The following HIP1 variants were observed in gnomAD, a reference collection of about 807,000 sequenced individuals.
HIP1 encodes huntingtin interacting protein 1.
A neutral mutation model predicts 147.6 loss-of-function variants in HIP1; 65 were observed. That is an observed-to-expected ratio of 0.44 (90% CI 0.36 to 0.54). HIP1 has a LOEUF of 0.54. HIP1 is among the 20% of genes least tolerant of loss of function. The pLI is 0.00. For missense variants in HIP1, 1,061 were observed against 1,299.6 expected, an observed-to-expected ratio of 0.82 and a Z score of 2.82; for synonymous variants, 479 against 504.0, an observed-to-expected ratio of 0.95 and a Z score of 0.67.
intron 2 of HIP1, among the ~76,000 whole-genome samples, chr7:75,596,749 C>T (rs1324666325): frequency 6.6e-5 from 10 of 152,176 alleles, no homozygotes; most frequent in Admixed American, 3.3e-4. Context: ...GGAGGCCCCA[C>T]TCAAGGTCCC....
intron 5 of HIP1, 85 bp from the exon 6 acceptor site, chr7:75,582,236 T>G: frequency 2.8e-6 from 3 of 1,067,262 alleles, no homozygotes; most frequent in Non-Finnish European, 4.3e-6. Context: ...ACGCCTGTGG[T>G]CCCAGCTACT....
intron 7 of HIP1, among the ~76,000 whole-genome samples, chr7:75,575,478 A>C (rs1421053649): frequency 1.3e-5 from 2 of 152,166 alleles, no homozygotes; most frequent in Non-Finnish European, 2.9e-5. Flanking sequence ...CCAAACCAAA[A>C]CAAAACAATA....
At chr7:75,662,942 T>G (rs1445557949) in intron 1 of HIP1, among the ~76,000 whole-genome samples, 3 of 152,190 alleles carry the variant, frequency 2.0e-5, no homozygotes, top group Non-Finnish European at 2.9e-5. Context: ...AGCTGCTTCC[T>G]GCAGCGTCAC....
chr7:75,703,912 G>C (rs1427405868), intron 1 of HIP1, among the ~76,000 whole-genome samples: 1 of 152,120 alleles, frequency 6.6e-6, no homozygotes, highest in South Asian at 2.1e-4. Flanking sequence ...CTGAGCTCCT[G>C]GCCAGAGCTG....
At chr7:75,599,138 T>C (rs1554502503) in intron 2 of HIP1, 46 bp downstream of exon 2, 1 of 1,456,524 alleles carries the variant, frequency 6.9e-7, no homozygotes, top group East Asian at 2.3e-5. Flanking sequence ...CCCCATGAGC[T>C]GACCTCCCTC....
intron 1 of HIP1, among the ~76,000 whole-genome samples, chr7:75,668,307 A>G (rs1799621279): frequency 6.6e-6 from 1 of 151,972 alleles, no homozygotes; most frequent in Non-Finnish European, 1.5e-5. Context: ...TGCACTCAGG[A>G]CTTCCCAACT....
At chr7:75,668,274 G>C (rs1799620333) in intron 1 of HIP1, among the ~76,000 whole-genome samples, 1 of 152,152 alleles carries the variant, frequency 6.6e-6, no homozygotes, top group African/African-American at 2.4e-5. Context: ...CTCCTGTTGA[G>C]AACAGCCTCT....
At chr7:75,545,263 T>G in intron 25 of HIP1, 75 bp from the exon 26 acceptor site, 1 of 813,250 alleles carries the variant, frequency 1.2e-6, no homozygotes, top group Non-Finnish European at 2.1e-6. Context: ...TATACATATA[T>G]TATCCCAAAT....
At chr7:75,683,657 C>T (rs1315612313) in intron 1 of HIP1, among the ~76,000 whole-genome samples, 1 of 152,206 alleles carries the variant, frequency 6.6e-6, no homozygotes, top group Non-Finnish European at 1.5e-5. Context: ...CGTCCTCCAC[C>T]TGATGCTGGA....
intron 1 of HIP1, among the ~76,000 whole-genome samples, chr7:75,647,332 A>C (rs1440796941): frequency 3.3e-5 from 5 of 151,870 alleles, no homozygotes; most frequent in Non-Finnish European, 5.9e-5. Flanking sequence ...CAGGAAGCAA[A>C]AGTTGCAGTG....
chr7:75,585,817 T>C (rs1554499517), intron 5 of HIP1, among the ~76,000 whole-genome samples: 1 of 151,860 alleles, frequency 6.6e-6, no homozygotes, highest in Non-Finnish European at 1.5e-5. Flanking sequence ...GTCACCTTCT[T>C]CTCTCTTTTT....
chr7:75,621,341 A>C (rs1415729025), intron 1 of HIP1, among the ~76,000 whole-genome samples: 1 of 152,200 alleles, frequency 6.6e-6, no homozygotes, highest in African/African-American at 2.4e-5. Context: ...AGGAGGGGCC[A>C]AATCCCTAGA....
chr7:75,585,693 T>C (rs1183370640), intron 5 of HIP1, among the ~76,000 whole-genome samples: 1 of 152,020 alleles, frequency 6.6e-6, no homozygotes, highest in Non-Finnish European at 1.5e-5. Flanking sequence ...AGTTCTGGTT[T>C]ACGTTGCCTC....
At chr7:75,638,290 C>T (rs1554509994) in intron 1 of HIP1, among the ~76,000 whole-genome samples, 1 of 151,186 alleles carries the variant, frequency 6.6e-6, no homozygotes, top group African/African-American at 2.4e-5. Context: ...CCATCAGAAT[C>T]CCCCAAATCA....
intron 1 of HIP1, among the ~76,000 whole-genome samples, chr7:75,684,229 C>T (rs939636595): frequency 2.0e-5 from 3 of 151,594 alleles, no homozygotes; most frequent in Non-Finnish European, 2.9e-5. Flanking sequence ...GGTGGATCGC[C>T]GGAGCTTAGG....
chr7:75,606,519 T>C (rs1203542269), intron 1 of HIP1, among the ~76,000 whole-genome samples: 1 of 151,112 alleles, frequency 6.6e-6, no homozygotes, highest in East Asian at 2.0e-4. Flanking sequence ...CAGGTTGCAG[T>C]GAGCCGAGAT....
At chr7:75,713,304 G>A (rs1801212975) in intron 1 of HIP1, among the ~76,000 whole-genome samples, 1 of 152,300 alleles carries the variant, frequency 6.6e-6, no homozygotes, top group Admixed American at 6.5e-5. Context: ...CATATTATGG[G>A]TGCAATGACA....
chr7:75,570,058 C>G (rs1554496281), intron 8 of HIP1, among the ~76,000 whole-genome samples: 2 of 151,714 alleles, frequency 1.3e-5, no homozygotes, highest in African/African-American at 4.8e-5. Context: ...CCTCAGCTCC[C>G]AAGCAGCTGG....
rs530330159 is a variant in HIP1, at chr7:75,664,085, T to C, written c.121-64838A>G. Among the ~76,000 whole-genome samples the C allele has an allele frequency of 1.7e-4, 19 of 111,216 alleles. 4 individuals are homozygous for C. Among genetic ancestry groups the C allele is most frequent in the South Asian group, 5.8e-4 (2 of 3,474 alleles). 73.0% of individuals were successfully genotyped at this position (111,216 alleles called of 152,430 possible). A position where few individuals can be genotyped will look rare whatever the true frequency, so the allele number is the denominator to read the frequency against. The stretch of plus-strand genomic sequence containing the variant: ...ATATATGTGTATATACACACACATA[T>C]ACACACATATGTGCATACATACATG... On this transcript the variant is annotated intron_variant, in intron 1 of 30. Coordinates refer to ENST00000336926, the MANE Select transcript of HIP1 (RefSeq NM_005338.7).
Sources: gnomAD v4.1 joint callset for allele counts (sites outside exome capture counted in the v4.1 genomes callset) on GRCh38, gnomAD v4.1.1 for gene constraint, MANE v1.5 for transcripts, NCBI Gene and HGNC (gene_info 2026-07-23, HGNC 2026-07-21) for gene names.